Variants in DNAI7 observed in about 807,000 individuals in gnomAD.
The protein encoded by DNAI7 is dynein axonemal intermediate chain 7.
In DNAI7, 78 loss-of-function variants were observed where a neutral mutation model predicts 86.6. The ratio of observed to expected loss-of-function variants is 0.90; its 90% CI spans 0.75 to 1.09. The LOEUF is 1.09. Among genes scored for constraint, DNAI7 ranks in the 50% least tolerant of loss-of-function variants. The pLI is 0.00. For missense variants in DNAI7, 753 were observed against 810.2 expected (o/e 0.93, Z 0.86); for synonymous variants, 274 against 273.0 (o/e 1.00, Z -0.04).
chr12:25,112,114 T>A (rs1444617752), intron 13 of DNAI7, among the ~76,000 whole-genome samples, 175 bp from the exon 14 acceptor site: 1 of 152,160 alleles, frequency 6.6e-6, no homozygotes, highest in Non-Finnish European at 1.5e-5. Context: ...TGACACAAAG[T>A]CCCCATGTTA....
chr12:25,164,452 A>G (rs1947203333), intron 2 of DNAI7, among the ~76,000 whole-genome samples: 1 of 152,068 alleles, frequency 6.6e-6, no homozygotes, highest in South Asian at 2.1e-4. Flanking sequence ...TGTGTTCTTA[A>G]AAACCTAAAA....
chr12:25,135,024 C>G (rs1565685572), intron 9 of DNAI7, among the ~76,000 whole-genome samples: 1 of 152,164 alleles, frequency 6.6e-6, no homozygotes, highest in East Asian at 1.9e-4. Flanking sequence ...TGTATGGAGA[C>G]TCACATCATG....
At chr12:25,152,427 G>C (rs967026960) in intron 6 of DNAI7, among the ~76,000 whole-genome samples, 47 of 152,240 alleles carry the variant, frequency 3.1e-4, no homozygotes, top group African/African-American at 1.1e-3. Context: ...GAGGTTCAGA[G>C]AACTTTCCGG....
At chr12:25,134,352 CTTTTTTTTTTTTTT>C (rs5797119) in intron 9 of DNAI7, among the ~76,000 whole-genome samples, 1 of 91,178 alleles carries the variant, frequency 1.1e-5, no homozygotes, top group Non-Finnish European at 2.0e-5. Flanking sequence ...CCTTGGCGTA[CTTTTTTTTTTTTTT>C]TTTTTTTTGA....
chr12:25,124,032 TTGTGTG>T (rs57454187), intron 9 of DNAI7, among the ~76,000 whole-genome samples: 13 of 144,678 alleles, frequency 9.0e-5, no homozygotes, highest in African/African-American at 1.8e-4. Flanking sequence ...AGTATAAAAA[TTGTGTG>T]TGTGTGTGTG....
At chr12:25,131,994 G>A (rs999916630) in intron 9 of DNAI7, among the ~76,000 whole-genome samples, 6 of 151,876 alleles carry the variant, frequency 4.0e-5, no homozygotes, top group African/African-American at 1.2e-4. Context: ...CTGAGGAGAC[G>A]GAGGATTCTC....
chr12:25,167,338 T>G (rs988363616), intron 2 of DNAI7, among the ~76,000 whole-genome samples: 1 of 152,090 alleles, frequency 6.6e-6, no homozygotes, highest in Non-Finnish European at 1.5e-5. Context: ...GCTCGAGAAT[T>G]TGCCCCCGCC....
intron 11 of DNAI7, 78 bp downstream of exon 11, chr12:25,121,675 G>C (rs1941315087): frequency 8.6e-7 from 1 of 1,157,772 alleles, no homozygotes; most frequent in East Asian, 2.5e-5. Flanking sequence ...AAGCTTATTA[G>C]ATGTTAGATA....
intron 9 of DNAI7, among the ~76,000 whole-genome samples, chr12:25,131,621 G>A (rs1489599092): frequency 6.6e-6 from 1 of 152,136 alleles, no homozygotes; most frequent in Non-Finnish European, 1.5e-5. Flanking sequence ...AATCCGTAAA[G>A]GTAGCAGAAG....
chr12:25,148,762 G>T (rs1410022659), intron 7 of DNAI7, among the ~76,000 whole-genome samples: 2 of 151,984 alleles, frequency 1.3e-5, no homozygotes, highest in African/African-American at 4.8e-5. Context: ...TGATCAGTGG[G>T]ACTTCTAAGC....
intron 9 of DNAI7, among the ~76,000 whole-genome samples, chr12:25,124,593 T>C (rs1446915694): frequency 6.6e-6 from 1 of 152,174 alleles, no homozygotes; most frequent in African/African-American, 2.4e-5. Context: ...CTCTCTTACC[T>C]AAAGGTAGTA....
intron 12 of DNAI7, among the ~76,000 whole-genome samples, chr12:25,116,898 T>C (rs569499153): frequency 6.6e-6 from 1 of 152,340 alleles, no homozygotes; most frequent in South Asian, 2.1e-4. Context: ...TTGATGTATT[T>C]TATAGTTTAA....
At chr12:25,129,601 C>CTAT (rs1457513825) in intron 9 of DNAI7, among the ~76,000 whole-genome samples, 7 of 152,112 alleles carry the variant, frequency 4.6e-5, no homozygotes, top group Admixed American at 4.6e-4. Context: ...ATTACTAAGG[C>CTAT]TATTTCATGT....
chr12:25,112,020 C>A (rs1046742317), intron 13 of DNAI7, 81 bp from the exon 14 acceptor site: 5 of 837,146 alleles, frequency 6.0e-6, no homozygotes, highest in Non-Finnish European at 1.8e-6. Flanking sequence ...CCTTTAGATG[C>A]TTTATACATT....
chr12:25,189,675 C>G (rs561780759), intron 2 of DNAI7, among the ~76,000 whole-genome samples: 1 of 151,906 alleles, frequency 6.6e-6, no homozygotes, highest in East Asian at 1.9e-4. Flanking sequence ...CAAGAAAATA[C>G]AGAGTATAAT....
At chr12:25,175,099 A>G (rs1012996912) in intron 2 of DNAI7, among the ~76,000 whole-genome samples, 4 of 152,078 alleles carry the variant, frequency 2.6e-5, no homozygotes, top group African/African-American at 7.2e-5. Context: ...CTGTACCTCA[A>G]TAAGTTATGA....
intron 2 of DNAI7, among the ~76,000 whole-genome samples, chr12:25,169,316 C>G (rs1000079304): frequency 6.7e-6 from 1 of 150,182 alleles, no homozygotes; most frequent in Non-Finnish European, 1.5e-5. Context: ...CACCTTGTGA[C>G]CCCCACTCCT....
chr12:25,122,189 G>C (rs1359351661), intron 10 of DNAI7, among the ~76,000 whole-genome samples: 2 of 152,064 alleles, frequency 1.3e-5, no homozygotes, highest in Non-Finnish European at 2.9e-5. Flanking sequence ...AAACAGGCTG[G>C]GGGCAGTGAT....
intron 7 of DNAI7, among the ~76,000 whole-genome samples, chr12:25,148,500 A>G (rs1945135403): frequency 6.6e-6 from 1 of 152,158 alleles, no homozygotes; most frequent in South Asian, 2.1e-4. Flanking sequence ...CTTTTCACCT[A>G]ATCATTTAGG....
Sources: allele counts gnomAD v4.1 joint callset (sites outside exome capture counted in the v4.1 genomes callset), GRCh38; gene constraint gnomAD v4.1.1; transcripts MANE v1.5; gene names NCBI Gene and HGNC (gene_info 2026-07-23, HGNC 2026-07-21).